CA1: variants seen among roughly 807,000 people sequenced by gnomAD.
The protein encoded by CA1 is carbonate dehydratase I.
Under a neutral mutation model 28.8 loss-of-function variants are expected in CA1, and 27 were observed. That is an observed-to-expected ratio of 0.94 (90% CI 0.69 to 1.29). CA1 has a LOEUF of 1.29. Ranked by LOEUF, CA1 falls within the 50% of genes most tolerant of loss-of-function variation. The pLI is 0.00. For synonymous variants in CA1, 121 were observed against 108.8 expected, an observed-to-expected ratio of 1.11 and a Z score of -0.70; for missense variants, 335 against 310.5, an observed-to-expected ratio of 1.08 and a Z score of -0.59.
intron 3 of CA1, chr8:85,338,009 A>G (rs921521310): frequency 9.3e-6 from 6 of 645,274 alleles, no homozygotes; most frequent in African/African-American, 9.0e-5. Context: ...AGATACTGGA[A>G]TGACGAGAAG....
chr8:85,335,530 A>G (rs117145192), intron 4 of CA1, among the ~76,000 whole-genome samples: 3,532 of 152,282 alleles, frequency 0.023, 65 homozygotes, highest in Non-Finnish European at 0.033. Flanking sequence ...GGGTACTTGC[A>G]TTCTTAAGCA....
chr8:85,356,510 A>T (rs1179482428), intron 1 of CA1, among the ~76,000 whole-genome samples: 1 of 152,166 alleles, frequency 6.6e-6, no homozygotes, highest in African/African-American at 2.4e-5. Flanking sequence ...ATTTAAAAAT[A>T]TTTATTCACT....
At chr8:85,350,105 T>A (rs569127210) in intron 1 of CA1, among the ~76,000 whole-genome samples, 3 of 152,150 alleles carry the variant, frequency 2.0e-5, no homozygotes, top group East Asian at 1.9e-4. Context: ...TTCTAAAAAA[T>A]TTTTTTTCAA....
intron 1 of CA1, among the ~76,000 whole-genome samples, chr8:85,350,104 A>T (rs894849148): frequency 2.2e-4 from 33 of 152,164 alleles, no homozygotes; most frequent in Middle Eastern, 6.8e-3. Flanking sequence ...TTTCTAAAAA[A>T]TTTTTTTTCA....
At chr8:85,368,574 A>G (rs1373885759) in intron 1 of CA1, among the ~76,000 whole-genome samples, 3 of 152,016 alleles carry the variant, frequency 2.0e-5, no homozygotes, top group Non-Finnish European at 4.4e-5. Flanking sequence ...AACAAACATA[A>G]TATCTTTTTA....
At position 85,337,049 on chromosome 8, in the gene CA1, GACCACCTTTCAGCACTGGAAGAAAAGGGA is replaced by G; in HGVS notation, c.236-15_249del. On this transcript the variant is annotated splice_acceptor_variant and splice_polypyrimidine_tract_variant and coding_sequence_variant and intron_variant, in exon 4 of 8. Coordinates refer to ENST00000523022, the MANE Select transcript of CA1 (RefSeq NM_001128831.4). LOFTEE classifies it high-confidence loss of function. The stretch of plus-strand genomic sequence containing the variant: ...AAGAGCCTGTAGCTGTCAGAGAAAG[GACCACCTTTCAGCACTGGAAGAAAAGGGA>G]ACCGATTGTTAGCCTGATGCTCCAC... 2 of 1,607,464 alleles carry G rather than the reference GACCACCTTTCAGCACTGGAAGAAAAGGGA, an allele frequency of 1.2e-6. No individual in the cohort carries two copies. The highest frequency in any genetic ancestry group is 1.7e-6 in the Non-Finnish European group (2 of 1,174,138).
At chr8:85,363,457 C>T (rs185745032) in intron 1 of CA1, among the ~76,000 whole-genome samples, 188 of 152,370 alleles carry the variant, frequency 1.2e-3, no homozygotes, top group Non-Finnish European at 1.8e-3. Flanking sequence ...GACTTGCCCA[C>T]ACTCTGAGCT....
At chr8:85,358,048 T>C (rs1809663723) in intron 1 of CA1, among the ~76,000 whole-genome samples, 1 of 152,210 alleles carries the variant, frequency 6.6e-6, no homozygotes, top group Admixed American at 6.5e-5. Context: ...TTCATTAGCA[T>C]TATAGTTTAT....
intron 4 of CA1, among the ~76,000 whole-genome samples, chr8:85,334,112 G>A (rs1179352946): frequency 2.0e-5 from 3 of 152,142 alleles, no homozygotes; most frequent in African/African-American, 7.2e-5. Flanking sequence ...GCAAACTCTA[G>A]ATTTGTACAT....
intron 1 of CA1, among the ~76,000 whole-genome samples, chr8:85,344,124 T>C (rs145009883): frequency 0.026 from 3,580 of 137,906 alleles, 149 homozygotes; most frequent in African/African-American, 0.09. Flanking sequence ...ATATATAAAA[T>C]TTAAATTTAT....
chr8:85,352,776 C>T (rs1388593532), intron 1 of CA1, among the ~76,000 whole-genome samples: 2 of 151,650 alleles, frequency 1.3e-5, no homozygotes, highest in African/African-American at 2.4e-5. Flanking sequence ...AAGTGATTCT[C>T]GTGCCTCAGC....
At chr8:85,353,059 C>T (rs1404915468) in intron 1 of CA1, among the ~76,000 whole-genome samples, 1 of 152,124 alleles carries the variant, frequency 6.6e-6, no homozygotes, top group South Asian at 2.1e-4. Flanking sequence ...GTACAGGCTG[C>T]TTTGAGCCAG....
intron 1 of CA1, among the ~76,000 whole-genome samples, chr8:85,359,823 G>A (rs1269300962): frequency 1.3e-5 from 2 of 152,154 alleles, no homozygotes; most frequent in African/African-American, 4.8e-5. Flanking sequence ...TCTGTGCACT[G>A]GCCTCTTTGA....
At chr8:85,367,278 A>G (rs1810044609) in intron 1 of CA1, among the ~76,000 whole-genome samples, 1 of 152,172 alleles carries the variant, frequency 6.6e-6, no homozygotes, top group South Asian at 2.1e-4. Flanking sequence ...TTTGAATACT[A>G]TTTTATTGCC....
At chr8:85,336,124 A>G (rs760317567) in intron 4 of CA1, among the ~76,000 whole-genome samples, 4 of 152,230 alleles carry the variant, frequency 2.6e-5, no homozygotes, top group Non-Finnish European at 5.9e-5. Context: ...CCCAAATGAA[A>G]TACTATGCTG....
intron 2 of CA1, 105 bp from the exon 3 acceptor site, chr8:85,338,554 TG>T (rs1808761832): frequency 1.2e-6 from 1 of 846,446 alleles, no homozygotes; most frequent in African/African-American, 1.7e-5. Flanking sequence ...TTTATTTCAG[TG>T]TATTAAATGA....
At chr8:85,347,328 A>G (rs1280228940) in intron 1 of CA1, among the ~76,000 whole-genome samples, 1 of 152,152 alleles carries the variant, frequency 6.6e-6, no homozygotes, top group Non-Finnish European at 1.5e-5. Context: ...GCCAGTTTAG[A>G]TGATCAACAA....
chr8:85,377,162 A>T (rs1411131026), intron 1 of CA1, among the ~76,000 whole-genome samples: 1 of 152,176 alleles, frequency 6.6e-6, no homozygotes, highest in African/African-American at 2.4e-5. Context: ...AGATATATGA[A>T]CCATATAATT....
intron 2 of CA1, among the ~76,000 whole-genome samples, chr8:85,339,071 C>T (rs1022191924): frequency 6.6e-6 from 1 of 152,080 alleles, no homozygotes; most frequent in African/African-American, 2.4e-5. Context: ...TAATATAGAT[C>T]TATACTCATA....
Sources: allele counts gnomAD v4.1 joint callset (sites outside exome capture counted in the v4.1 genomes callset), GRCh38; gene constraint gnomAD v4.1.1; transcripts MANE v1.5; gene names NCBI Gene and HGNC (gene_info 2026-07-23, HGNC 2026-07-21).